The following DIP2B variants were observed in gnomAD, a reference collection of about 807,000 sequenced individuals.
DIP2B encodes the protein DIP2 acetate--CoA ligase B (putative).
A neutral mutation model predicts 198.0 loss-of-function variants in DIP2B; 76 were observed. That is an observed-to-expected ratio of 0.38 (90% CI 0.32 to 0.46). DIP2B has a LOEUF of 0.46. Among genes scored for constraint, DIP2B ranks in the 20% least tolerant of loss-of-function variants. DIP2B has a pLI of 0.99. For missense variants in DIP2B, 1,559 were observed against 1,978.4 expected, an observed-to-expected ratio of 0.79 and a Z score of 4.02; for synonymous variants, 701 against 739.1, an observed-to-expected ratio of 0.95 and a Z score of 0.84.
intron 4 of DIP2B, among the ~76,000 whole-genome samples, chr12:50,668,043 G>A (rs1240378644): frequency 1.3e-5 from 2 of 152,130 alleles, no homozygotes; most frequent in African/African-American, 2.4e-5. Flanking sequence ...GCTCTGGCTA[G>A]TCTCTGTTTC....
At chr12:50,731,789 G>C (rs942605923) in intron 31 of DIP2B, among the ~76,000 whole-genome samples, 39 of 152,314 alleles carry the variant, frequency 2.6e-4, no homozygotes, top group African/African-American at 8.9e-4. Context: ...AGGCTAACTG[G>C]AAAGACTTTA....
chr12:50,743,829 G>A (rs908260619), intron 37 of DIP2B: 1 of 152,164 alleles, frequency 6.6e-6, no homozygotes, highest in Non-Finnish European at 1.5e-5. Context: ...CTCAGGAAAG[G>A]TAGAAACAAG....
chr12:50,706,272 C>CT (rs1357584619), intron 20 of DIP2B, among the ~76,000 whole-genome samples: 3 of 152,146 alleles, frequency 2.0e-5, no homozygotes, highest in Non-Finnish European at 2.9e-5. Flanking sequence ...TAGTTGCTTT[C>CT]TTAATGAAGT....
At chr12:50,634,569 C>T (rs1016536123) in intron 2 of DIP2B, among the ~76,000 whole-genome samples, 15 of 152,236 alleles carry the variant, frequency 9.9e-5, no homozygotes, top group African/African-American at 2.4e-4. Flanking sequence ...TGGCTTGCTC[C>T]GTCACTCTAC....
At chr12:50,663,468 A>G (rs973104474) in intron 4 of DIP2B, among the ~76,000 whole-genome samples, 1 of 152,084 alleles carries the variant, frequency 6.6e-6, no homozygotes, top group Admixed American at 6.6e-5. Flanking sequence ...AGGCAGGAGA[A>G]TGGCGTGAAC....
intron 1 of DIP2B, among the ~76,000 whole-genome samples, chr12:50,575,916 C>A (rs1958655811): frequency 6.6e-6 from 1 of 152,072 alleles, no homozygotes; most frequent in Non-Finnish European, 1.5e-5. Flanking sequence ...CACCACCACA[C>A]CCAGCTAATT....
Position 50,685,851 on chromosome 12 carries a change from AT to A in DIP2B, c.1338del (p.Ile446MetfsTer5). The A allele has an allele frequency of 6.2e-7, 1 of 1,613,710 alleles. No individual in the cohort carries two copies. Among genetic ancestry groups the A allele is most frequent in the Non-Finnish European group, 8.5e-7 (1 of 1,179,752 alleles). On this transcript the variant is annotated frameshift_variant, in exon 11 of 38. Transcript: ENST00000301180. LOFTEE classifies it high-confidence loss of function. Reference sequence around the variant, plus strand: ...TCCACAGGATGCTGGAGGTCAGCAGATTGGCTTCTTGCTAGGAAGCTGTGGT... The same window carrying A: ...TCCACAGGATGCTGGAGGTCAGCAGATGGCTTCTTGCTAGGAAGCTGTGGT... ...LTRKDAGGQQ[I>X]GFLLGSCGIA...
At chr12:50,633,928 A>G (rs1249875624) in intron 2 of DIP2B, among the ~76,000 whole-genome samples, 1 of 152,212 alleles carries the variant, frequency 6.6e-6, no homozygotes, top group Non-Finnish European at 1.5e-5. Context: ...GCCATACCTT[A>G]TCTGGTATTT....
At position 50,505,016 on chromosome 12, in the gene DIP2B, C is replaced by CGGCGGCGGCGGCGGCGGCGGCGGCGGT. The variant is rs1555179944; in HGVS notation, c.-117_-116insCGGCGGCGGCGGCGGCGGTGGCGGCGG. 4.1e-6 allele frequency: 4 copies of CGGCGGCGGCGGCGGCGGCGGCGGCGGT among 979,010 alleles called. No homozygotes were observed. Among genetic ancestry groups the CGGCGGCGGCGGCGGCGGCGGCGGCGGT allele is most frequent in the Non-Finnish European group, 6.0e-6 (4 of 669,574 alleles). The allele number at this position is 979,010 out of a possible 1,614,324, so 60.6% of individuals were successfully genotyped here. On this transcript the variant is annotated 5_prime_UTR_variant, in exon 1 of 38. Transcript: ENST00000301180. ...CCTTTGCTCATGGCGGCGGCGGCGG[C>CGGCGGCGGCGGCGGCGGCGGCGGCGGT]GGCGGCGGTGCTGGTGGTGCTCGGC...
At chr12:50,688,526 C>T (rs990095444) in intron 12 of DIP2B, among the ~76,000 whole-genome samples, 2 of 151,942 alleles carry the variant, frequency 1.3e-5, no homozygotes, top group Non-Finnish European at 2.9e-5. Context: ...TGGTATGCAC[C>T]TATAGTCCCA....
chr12:50,610,131 A>G (rs1473563474), intron 1 of DIP2B, among the ~76,000 whole-genome samples: 1 of 152,206 alleles, frequency 6.6e-6, no homozygotes. Context: ...TAAAATTACT[A>G]CTATCACTGT....
intron 1 of DIP2B, among the ~76,000 whole-genome samples, chr12:50,591,171 TTC>T (rs1958815204): frequency 6.6e-6 from 1 of 152,200 alleles, no homozygotes; most frequent in African/African-American, 2.4e-5. Context: ...AGTCTCAGAT[TTC>T]TGTTATAGCA....
intron 1 of DIP2B, among the ~76,000 whole-genome samples, chr12:50,588,941 T>A (rs1164778117): frequency 6.6e-6 from 1 of 152,064 alleles, no homozygotes; most frequent in East Asian, 1.9e-4. Context: ...TCCTAGCACT[T>A]TGGGAGGCCG....
At chr12:50,702,396 T>A (rs1421877123) in intron 19 of DIP2B, among the ~76,000 whole-genome samples, 1 of 149,800 alleles carries the variant, frequency 6.7e-6, no homozygotes, top group African/African-American at 2.5e-5. Context: ...AAACCTTGTG[T>A]ACTGAAAATA....
At chr12:50,537,025 C>T (rs7955310) in intron 1 of DIP2B, among the ~76,000 whole-genome samples, 129,894 of 149,650 alleles carry the variant, frequency 0.87, 57,616 homozygotes, top group Non-Finnish European at 0.98. Context: ...AATCTCCTTT[C>T]TCCCCTACCC....
intron 1 of DIP2B, among the ~76,000 whole-genome samples, chr12:50,554,582 A>G (rs1027187234): frequency 1.2e-4 from 19 of 152,048 alleles, no homozygotes; most frequent in Non-Finnish European, 2.6e-4. Context: ...CTTGGCTTAG[A>G]TGGATTGGTC....
At chr12:50,674,210 G>C (rs916519714) in intron 5 of DIP2B, among the ~76,000 whole-genome samples, 3 of 152,134 alleles carry the variant, frequency 2.0e-5, no homozygotes, top group African/African-American at 7.2e-5. Context: ...GATGTTTTGA[G>C]AAACATTGAA....
intron 4 of DIP2B, among the ~76,000 whole-genome samples, chr12:50,665,354 G>A (rs531759190): frequency 1.4e-4 from 21 of 152,240 alleles, no homozygotes; most frequent in African/African-American, 5.1e-4. Context: ...GTTCATAGTC[G>A]CTAAGTAATT....
chr12:50,720,150 G>T (rs560431882), intron 25 of DIP2B, among the ~76,000 whole-genome samples: 5 of 151,688 alleles, frequency 3.3e-5, no homozygotes, highest in African/African-American at 1.2e-4. Flanking sequence ...GGCTGGTCTC[G>T]AACTCCTGAC....
Sources: gnomAD v4.1 joint callset for allele counts (sites outside exome capture counted in the v4.1 genomes callset) on GRCh38, gnomAD v4.1.1 for gene constraint, MANE v1.5 for transcripts, NCBI Gene and HGNC (gene_info 2026-07-23, HGNC 2026-07-21) for gene names.